Variants in HMCN2 observed in about 807,000 individuals in gnomAD.
The protein encoded by HMCN2 is hemicentin 2, also known as hemicentin-2.
A neutral mutation model predicts 377.5 loss-of-function variants in HMCN2; 325 were observed. That is an observed-to-expected ratio of 0.86 (90% CI 0.79 to 0.94). HMCN2 has a LOEUF of 0.94. Among genes scored for constraint, HMCN2 ranks in the 40% least tolerant of loss-of-function variants. HMCN2 has a pLI of 0.00. For missense variants in HMCN2, 4,543 were observed against 4,725.3 expected, an observed-to-expected ratio of 0.96 and a Z score of 1.13; for synonymous variants, 2,007 against 2,046.8, an observed-to-expected ratio of 0.98 and a Z score of 0.53.
rs1319564690 is a variant in HMCN2, at chr9:130,406,033, C to T, written c.12418C>T (p.Leu4140=). 2 of 1,289,870 alleles carry T rather than the reference C, an allele frequency of 1.6e-6. No homozygotes were observed. The allele number at this position is 1,289,870 out of a possible 1,614,324, so 79.9% of individuals were successfully genotyped here. Reference sequence around the variant, plus strand: ...CCGCCGCCGCGTGCACCTCACCATCCTGGTACTGCCTGTGTTCACCACCCT... The same window carrying T: ...CCGCCGCCGCGTGCACCTCACCATCTTGGTACTGCCTGTGTTCACCACCCT... The part of the protein sequence containing the change: ...RARRRVHLTI[L]VLPVFTTLPG... The change falls in exon 82 of 98, where the codon CTG becomes TTG. Residue 4140 remains leucine, a synonymous_variant. Transcript: ENST00000683500.
At chr9:130,350,388 C>CAAAAAAAAAAA (rs1187309511) in intron 29 of HMCN2, among the ~76,000 whole-genome samples, 4 of 89,682 alleles carry the variant, frequency 4.5e-5, no homozygotes, top group African/African-American at 1.8e-4. Context: ...CAAAAAAATA[C>CAAAAAAAAAAA]AAAAAAAAAA....
chr9:130,336,061 G>C (rs1838732591), intron 22 of HMCN2, among the ~76,000 whole-genome samples: 1 of 152,154 alleles, frequency 6.6e-6, no homozygotes, highest in Admixed American at 6.5e-5. Context: ...TAGCCCAGGA[G>C]ACCTGCTCCG....
At chr9:130,376,068 C>A in intron 51 of HMCN2, 79 bp downstream of exon 51, 1 of 464,474 alleles carries the variant, frequency 2.2e-6, no homozygotes, top group Non-Finnish European at 2.8e-6. Context: ...CCTGAGCCAC[C>A]CTTGGTGCTC....
chr9:130,368,121 A>G (rs1026788820), intron 43 of HMCN2, among the ~76,000 whole-genome samples, 155 bp from the exon 44 acceptor site: 1 of 152,030 alleles, frequency 6.6e-6, no homozygotes, highest in African/African-American at 2.4e-5. Context: ...AGTGGCACTC[A>G]TGGAAGGCTT....
At chr9:130,334,549 G>GTTTTT (rs1192246439) in intron 22 of HMCN2, among the ~76,000 whole-genome samples, 22 of 99,066 alleles carry the variant, frequency 2.2e-4, no homozygotes, top group Non-Finnish European at 2.5e-4. Context: ...ACTTTTGGAA[G>GTTTTT]TTTTTTTTTT....
In HMCN2 at chr9:130,374,113, C is replaced by T. The variant is rs115407945; in HGVS notation, c.7439-389C>T. 8.0e-3 allele frequency among the ~76,000 whole-genome samples: 1,113 copies of T among 138,586 alleles called. 9 individuals carry two copies. The highest frequency in any genetic ancestry group is 0.028 in the African/African-American group (1,055 of 37,518). 90.9% of individuals were successfully genotyped at this position (138,586 alleles called of 152,430 possible). ...TTGGATGGTTGGGTGGATGGGTGGG[C>T]GGTGGGTGTGTGGACGAATAGAGAG... On this transcript the variant is annotated intron_variant, in intron 48 of 97. Transcript: ENST00000683500.
intron 1 of HMCN2, among the ~76,000 whole-genome samples, chr9:130,279,177 G>A (rs1834973824): frequency 6.6e-6 from 1 of 152,044 alleles, no homozygotes; most frequent in Non-Finnish European, 1.5e-5. Flanking sequence ...GGGATTACAG[G>A]CATGAGCCAC....
intron 12 of HMCN2, 103 bp from the exon 13 acceptor site, chr9:130,306,708 C>T (rs1377552236): frequency 7.3e-6 from 3 of 408,796 alleles, no homozygotes; most frequent in South Asian, 3.7e-5. Flanking sequence ...GCCATCAGTA[C>T]AGAATGGTCG....
In HMCN2 at chr9:130,293,024, AC is replaced by A. The variant is rs571291647; in HGVS notation, c.613-1829del. 8.8e-4 allele frequency among the ~76,000 whole-genome samples: 134 copies of A among 152,032 alleles called. 1 individual carries two copies. Among genetic ancestry groups the A allele is most frequent in the African/African-American group, 2.8e-3 (117 of 41,422 alleles). On this transcript the variant is annotated intron_variant, in intron 4 of 97. Coordinates refer to ENST00000683500, the MANE Select transcript of HMCN2 (RefSeq NM_001291815.2). ...TACCTACCTACCTGCCTATATACCT[AC>A]CTATCAATTTATCATCTATCTCTAT...
intron 15 of HMCN2, among the ~76,000 whole-genome samples, chr9:130,313,872 C>A (rs949117416): frequency 6.6e-6 from 1 of 150,634 alleles, no homozygotes; most frequent in Non-Finnish European, 1.5e-5. Flanking sequence ...CTCTGCCTCC[C>A]GGGTGCAAGT....
intron 24 of HMCN2, among the ~76,000 whole-genome samples, chr9:130,341,970 G>A (rs1839073870): frequency 1.3e-5 from 2 of 151,392 alleles, no homozygotes; most frequent in African/African-American, 4.9e-5. Flanking sequence ...GAGCCCAGGA[G>A]TTCGAGACCA....
At chr9:130,399,384 T>G in intron 75 of HMCN2, 127 bp from the exon 76 acceptor site, 1 of 1,083,348 alleles carries the variant, frequency 9.2e-7, no homozygotes, top group Non-Finnish European at 1.1e-6. Context: ...CTAGAAGACA[T>G]TTCTAGAGTC....
chr9:130,384,310 C>A, intron 57 of HMCN2, 63 bp from the exon 58 acceptor site: 2 of 1,224,068 alleles, frequency 1.6e-6, no homozygotes, highest in Non-Finnish European at 2.1e-6. Context: ...TTCTCTTGGG[C>A]TCTGTGCTCC....
intron 35 of HMCN2, 182 bp from the exon 36 acceptor site, chr9:130,358,208 G>A: frequency 2.1e-6 from 1 of 480,224 alleles, no homozygotes; most frequent in Non-Finnish European, 2.7e-6. Context: ...GGAATGGTAT[G>A]CCTGGAGATC....
intron 97 of HMCN2, 68 bp from the exon 98 acceptor site, chr9:130,433,280 T>G: frequency 7.8e-7 from 1 of 1,275,500 alleles, no homozygotes; most frequent in South Asian, 1.7e-5. Context: ...AGGTCTGAGT[T>G]ACGCGGATGG....
intron 15 of HMCN2, among the ~76,000 whole-genome samples, chr9:130,318,600 T>G (rs1233553603): frequency 7.2e-5 from 11 of 152,320 alleles, no homozygotes; most frequent in African/African-American, 2.6e-4. Flanking sequence ...AGTGGTTACC[T>G]TAGGGAAGGG....
At position 130,351,585 on chromosome 9, in the gene HMCN2, C is replaced by G; in HGVS notation, c.4585+8C>G. 5 of 1,298,606 alleles carry G rather than the reference C, an allele frequency of 3.9e-6. No individual in the cohort carries two copies. The highest frequency in any genetic ancestry group is 5.1e-6 in the Non-Finnish European group (5 of 984,780). 80.4% of individuals were successfully genotyped at this position (1,298,606 alleles called of 1,614,324 possible). ...TCCAGCTCCGAGTTCATGGTGAGCC[C>G]CCACGCCTTCTGGGACCCCGCCACA... On this transcript the variant is annotated splice_region_variant and intron_variant, in intron 30 of 97. Transcript: ENST00000683500. The surrounding 1 kb of genome is among the most constrained non-coding windows in gnomAD (Gnocchi z 5.4).
intron 46 of HMCN2, among the ~76,000 whole-genome samples, chr9:130,371,375 A>G (rs1841010110): frequency 6.6e-6 from 1 of 151,888 alleles, no homozygotes; most frequent in African/African-American, 2.4e-5. Context: ...GAGAACCACA[A>G]TGAACATTTG....
In HMCN2 at chr9:130,432,442, C is replaced by A. The variant is rs749700986; in HGVS notation, c.14781C>A (p.Cys4927Ter). ...SGKNCQDINE[C>*]EEESIECGPG... is the part of the protein sequence containing the mutation. ...TTCCCCATCCAGACATCAACGAGTG[C>A]GAGGAGGAGAGCATCGAGTGTGGAC... The change falls in exon 97 of 98, where the codon TGC becomes TGA. Residue 4927 changes from cysteine (C) to a stop codon, truncating the protein, a stop_gained. Transcript: ENST00000683500. LOFTEE classifies it high-confidence loss of function. 1.3e-6 allele frequency: 2 copies of A among 1,551,060 alleles called. No homozygotes were observed. Among genetic ancestry groups the A allele is most frequent in the Non-Finnish European group, 1.7e-6 (2 of 1,147,082 alleles).
Sources: allele counts gnomAD v4.1 joint callset (sites outside exome capture counted in the v4.1 genomes callset), GRCh38; gene constraint gnomAD v4.1.1; non-coding constraint Gnocchi (gnomAD v3.1); transcripts MANE v1.5; gene names NCBI Gene and HGNC (gene_info 2026-07-23, HGNC 2026-07-21).